The following PDE7B variants were observed in gnomAD, a reference collection of about 807,000 sequenced individuals.
PDE7B encodes phosphodiesterase 7B.
Under a neutral mutation model 56.2 loss-of-function variants are expected in PDE7B, and 29 were observed. That is an observed-to-expected ratio of 0.52 (90% CI 0.38 to 0.70). The LOEUF is 0.70. PDE7B is among the 30% of genes least tolerant of loss of function. The pLI is 0.00. For synonymous variants in PDE7B, 197 were observed against 196.9 expected, an observed-to-expected ratio of 1.00 and a Z score of 0.00; for missense variants, 490 against 565.0, an observed-to-expected ratio of 0.87 and a Z score of 1.35.
intron 6 of PDE7B, among the ~76,000 whole-genome samples, chr6:136,152,704 C>CCAA (rs1778540457): frequency 6.6e-6 from 1 of 152,204 alleles, no homozygotes; most frequent in South Asian, 2.1e-4. Context: ...CTGCCATTTA[C>CCAA]ATGTTTCTGG....
chr6:135,975,906 G>A (rs969107676), intron 2 of PDE7B, among the ~76,000 whole-genome samples: 1 of 152,148 alleles, frequency 6.6e-6, no homozygotes, highest in African/African-American at 2.4e-5. Context: ...AGCTGGAGAG[G>A]ATGTCTCCAA....
intron 2 of PDE7B, among the ~76,000 whole-genome samples, chr6:135,983,440 C>T (rs1775328383): frequency 2.0e-5 from 3 of 152,138 alleles, no homozygotes; most frequent in African/African-American, 4.8e-5. Context: ...AAGAAAACTA[C>T]CTACATTAGA....
At chr6:136,054,379 A>G (rs151194918) in intron 2 of PDE7B, among the ~76,000 whole-genome samples, 1 of 152,212 alleles carries the variant, frequency 6.6e-6, no homozygotes, top group Non-Finnish European at 1.5e-5. Flanking sequence ...ATGTGGCATT[A>G]TTGCTGAGGA....
At chr6:136,156,134 G>A (rs1778598500) in intron 8 of PDE7B, 2 of 361,000 alleles carry the variant, frequency 5.5e-6, no homozygotes, top group Non-Finnish European at 5.4e-6. Flanking sequence ...CCTTGTCCCT[G>A]TAAGGAAAGA....
intron 2 of PDE7B, among the ~76,000 whole-genome samples, chr6:135,984,641 G>A (rs1340849267): frequency 6.6e-6 from 1 of 152,050 alleles, no homozygotes; most frequent in African/African-American, 2.4e-5. Flanking sequence ...TTAGACTGGG[G>A]TTTAATATGA....
intron 2 of PDE7B, among the ~76,000 whole-genome samples, chr6:135,997,544 A>G (rs1775589042): frequency 6.6e-6 from 1 of 151,658 alleles, no homozygotes; most frequent in Non-Finnish European, 1.5e-5. Flanking sequence ...TAAGAAAAAA[A>G]TCTAAAATAT....
chr6:136,167,352 G>T (rs548188265), intron 8 of PDE7B, among the ~76,000 whole-genome samples: 1 of 150,250 alleles, frequency 6.7e-6, no homozygotes, highest in Non-Finnish European at 1.5e-5. Flanking sequence ...TCTGTGTCAT[G>T]GGGGGGAACA....
At chr6:136,008,933 G>A (rs546372080) in intron 2 of PDE7B, among the ~76,000 whole-genome samples, 2 of 152,240 alleles carry the variant, frequency 1.3e-5, no homozygotes, top group East Asian at 1.9e-4. Context: ...TAATGGTATT[G>A]CCTAGGTTTT....
At chr6:136,092,558 C>T (rs972250355) in intron 2 of PDE7B, among the ~76,000 whole-genome samples, 2 of 152,078 alleles carry the variant, frequency 1.3e-5, no homozygotes, top group Non-Finnish European at 2.9e-5. Context: ...TTCAGGAGTT[C>T]GAGACCAGCC....
intron 2 of PDE7B, among the ~76,000 whole-genome samples, chr6:136,102,546 G>A (rs1260894660): frequency 6.6e-6 from 1 of 152,136 alleles, no homozygotes. Context: ...TCCCCAAGTT[G>A]ACTCCTCAAG....
At chr6:135,912,290 G>C (rs1411761685) in intron 1 of PDE7B, among the ~76,000 whole-genome samples, 1 of 151,926 alleles carries the variant, frequency 6.6e-6, no homozygotes, top group Non-Finnish European at 1.5e-5. Flanking sequence ...AGAAAAAAAT[G>C]AAAAATACAA....
intron 3 of PDE7B, chr6:136,111,177 A>G (rs915686099): frequency 2.0e-5 from 3 of 152,052 alleles, no homozygotes; most frequent in African/African-American, 7.2e-5. Flanking sequence ...AGTTTTTTTA[A>G]TGTATCAAAG....
At position 135,851,809 on chromosome 6, in the gene PDE7B, C is replaced by T. The variant is rs773259688; in HGVS notation, c.-190C>T. On this transcript the variant is annotated 5_prime_UTR_variant, in exon 1 of 13. Transcript: ENST00000308191. ...CTCTCTTTCTACCTTCCTTCTTTCT[C>T]GATCTCCTTGTGTGCTTTTGTGTTT... 2.3e-5 allele frequency: 13 copies of T among 570,096 alleles called. No individual in the cohort carries two copies. Among genetic ancestry groups the T allele is most frequent in the Admixed American group, 3.1e-5 (1 of 32,562 alleles). The allele number at this position is 570,096 out of a possible 1,614,324, so 35.3% of individuals were successfully genotyped here. A position where few individuals can be genotyped will look rare whatever the true frequency, so the allele number is the denominator to read the frequency against.
intron 3 of PDE7B, among the ~76,000 whole-genome samples, chr6:136,132,478 TG>T (rs1778135067): frequency 6.6e-6 from 1 of 152,180 alleles, no homozygotes; most frequent in South Asian, 2.1e-4. Flanking sequence ...ACTTATCCAT[TG>T]CATGACTTTG....
intron 3 of PDE7B, among the ~76,000 whole-genome samples, chr6:136,119,916 G>A (rs1480407985): frequency 6.6e-6 from 1 of 152,176 alleles, no homozygotes; most frequent in Non-Finnish European, 1.5e-5. Context: ...GAAGGTGGTT[G>A]GTGTTGGCTC....
intron 2 of PDE7B, among the ~76,000 whole-genome samples, chr6:135,982,990 G>A (rs1434990960): frequency 6.6e-6 from 1 of 152,120 alleles, no homozygotes; most frequent in African/African-American, 2.4e-5. Flanking sequence ...ATGGAAAAAA[G>A]TGATCTGATG....
intron 3 of PDE7B, among the ~76,000 whole-genome samples, chr6:136,119,812 C>A (rs1321392241): frequency 6.6e-6 from 1 of 152,170 alleles, no homozygotes; most frequent in African/African-American, 2.4e-5. Context: ...TCCACTCAAC[C>A]ATATAAGGCT....
intron 2 of PDE7B, among the ~76,000 whole-genome samples, chr6:135,989,910 C>G (rs1379732460): frequency 6.6e-6 from 1 of 151,968 alleles, no homozygotes; most frequent in East Asian, 1.9e-4. Context: ...GATTATGTCT[C>G]AAATGTAGTT....
At chr6:136,146,618 C>G (rs769012022) in intron 3 of PDE7B, among the ~76,000 whole-genome samples, 1 of 152,152 alleles carries the variant, frequency 6.6e-6, no homozygotes, top group Non-Finnish European at 1.5e-5. Flanking sequence ...GGTGTATTTA[C>G]AACCCTCCTA....
Sources: allele counts gnomAD v4.1 joint callset (sites outside exome capture counted in the v4.1 genomes callset), GRCh38; gene constraint gnomAD v4.1.1; transcripts MANE v1.5; gene names NCBI Gene and HGNC (gene_info 2026-07-23, HGNC 2026-07-21).